The following KIAA1328 variants were observed in gnomAD, a reference collection of about 807,000 sequenced individuals.
KIAA1328 encodes KIAA1328.
In KIAA1328, 52 loss-of-function variants were observed where a neutral mutation model predicts 68.1. The ratio of observed to expected loss-of-function variants is 0.76; its 90% CI spans 0.61 to 0.96. The LOEUF is 0.96. Ranked by LOEUF, KIAA1328 falls within the 40% of genes least tolerant of loss-of-function variation. The pLI, the probability that KIAA1328 is intolerant of heterozygous loss-of-function variation, is 0.00. For synonymous variants in KIAA1328, 232 were observed against 239.4 expected, an observed-to-expected ratio of 0.97 and a Z score of 0.28; for missense variants, 641 against 677.6, an observed-to-expected ratio of 0.95 and a Z score of 0.60.
At chr18:37,102,917 G>T (rs1006115769) in intron 7 of KIAA1328, among the ~76,000 whole-genome samples, 4 of 152,004 alleles carry the variant, frequency 2.6e-5, no homozygotes, top group African/African-American at 9.7e-5. Context: ...AAGAAATCAA[G>T]AAAGTGATCC....
chr18:36,838,955 G>A lies in KIAA1328; in HGVS notation c.237+3579G>A, dbSNP rs143148299. On this transcript the variant is annotated intron_variant, in intron 3 of 9. Coordinates refer to ENST00000280020, the MANE Select transcript of KIAA1328 (RefSeq NM_020776.3). ...TCACCATGTTGGTCAGGCTGGTCTC[G>A]AACTCCTGACCTCATTATCTGCCCG... 7.9e-5 allele frequency among the ~76,000 whole-genome samples: 12 copies of A among 152,202 alleles called. No individual in the cohort carries two copies. The East Asian group carries it at 1.5e-3, about 20-fold the overall frequency.
intron 7 of KIAA1328, among the ~76,000 whole-genome samples, chr18:37,096,675 T>C (rs1185829863): frequency 6.6e-6 from 1 of 152,238 alleles, no homozygotes; most frequent in Non-Finnish European, 1.5e-5. Context: ...GCTGAACTAG[T>C]TTACAGTCCC....
At chr18:36,846,242 T>C (rs562184432) in intron 4 of KIAA1328, among the ~76,000 whole-genome samples, 21 of 151,754 alleles carry the variant, frequency 1.4e-4, no homozygotes, top group African/African-American at 5.1e-4. Flanking sequence ...TTCTTTTCCC[T>C]CTGAATTTTC....
chr18:36,953,016 T>G (rs1568207470), intron 5 of KIAA1328, among the ~76,000 whole-genome samples: 1 of 150,500 alleles, frequency 6.6e-6, no homozygotes, highest in Admixed American at 6.6e-5. Flanking sequence ...AAAAAAAAAG[T>G]TTTCCTGCAA....
chr18:37,119,790 T>C (rs73419088), intron 7 of KIAA1328, among the ~76,000 whole-genome samples: 1 of 152,110 alleles, frequency 6.6e-6, no homozygotes, highest in African/African-American at 2.4e-5. Context: ...TGTGTTAATA[T>C]ACATGGTATG....
chr18:37,216,838 G>C (rs1450257190), intron 9 of KIAA1328, among the ~76,000 whole-genome samples: 1 of 150,156 alleles, frequency 6.7e-6, no homozygotes, highest in African/African-American at 2.4e-5. Context: ...ATATATTTAG[G>C]ATAGTTAGCT....
intron 9 of KIAA1328, among the ~76,000 whole-genome samples, chr18:37,217,640 T>C (rs913610335): frequency 1.3e-5 from 2 of 152,204 alleles, no homozygotes; most frequent in Non-Finnish European, 2.9e-5. Flanking sequence ...CTGACAATTA[T>C]GTGTCTTGGG....
At chr18:36,948,775 C>T (rs2051017215) in intron 5 of KIAA1328, among the ~76,000 whole-genome samples, 1 of 151,730 alleles carries the variant, frequency 6.6e-6, no homozygotes, top group South Asian at 2.1e-4. Context: ...TCTTGAACTT[C>T]CAACCTCTGG....
intron 5 of KIAA1328, among the ~76,000 whole-genome samples, chr18:36,910,747 A>G (rs1178298204): frequency 6.6e-6 from 1 of 152,236 alleles, no homozygotes; most frequent in Admixed American, 6.5e-5. Context: ...GATTCTTCCT[A>G]TCCATGAGCA....
chr18:36,884,641 A>G (rs1360603478), intron 4 of KIAA1328, among the ~76,000 whole-genome samples: 1 of 152,196 alleles, frequency 6.6e-6, no homozygotes. Context: ...GCTCAAAGAA[A>G]AGGTTTAGAT....
chr18:36,977,206 TC>T (rs2151351802), intron 6 of KIAA1328, among the ~76,000 whole-genome samples: 1 of 152,332 alleles, frequency 6.6e-6, no homozygotes, highest in African/African-American at 2.4e-5. Context: ...AATCCACTGT[TC>T]TTCATTCTTT....
intron 9 of KIAA1328, among the ~76,000 whole-genome samples, chr18:37,215,357 GAA>G (rs2060407724): frequency 1.5e-4 from 1 of 6,758 alleles, no homozygotes; most frequent in African/African-American, 2.1e-3. Flanking sequence ...TTTTTAGTAT[GAA>G]GGCTGTTGAA....
At chr18:37,211,855 T>A (rs191347268) in intron 9 of KIAA1328, among the ~76,000 whole-genome samples, 18 of 152,338 alleles carry the variant, frequency 1.2e-4, no homozygotes, top group Non-Finnish European at 2.1e-4. Context: ...AAATTCTTAT[T>A]GTTGCTCTGG....
At chr18:36,939,587 T>C (rs28689067) in intron 5 of KIAA1328, among the ~76,000 whole-genome samples, 17,599 of 152,194 alleles carry the variant, frequency 0.12, 1,332 homozygotes, top group Non-Finnish European at 0.17. Context: ...TTTACTTTTT[T>C]TTCTTGTCTA....
At chr18:36,833,604 G>A (rs1200138683) in intron 1 of KIAA1328, among the ~76,000 whole-genome samples, 1 of 152,154 alleles carries the variant, frequency 6.6e-6, no homozygotes, top group Non-Finnish European at 1.5e-5. Flanking sequence ...GCTGTTAAGG[G>A]AACATGCACA....
At chr18:36,927,773 AAAAG>A (rs1037563616) in intron 5 of KIAA1328, among the ~76,000 whole-genome samples, 1 of 151,938 alleles carries the variant, frequency 6.6e-6, no homozygotes, top group Non-Finnish European at 1.5e-5. Flanking sequence ...AAGAAAGAAA[AAAAG>A]AAAGAAATGA....
intron 5 of KIAA1328, among the ~76,000 whole-genome samples, chr18:36,949,133 T>C (rs1598794475): frequency 1.3e-5 from 2 of 152,176 alleles, no homozygotes; most frequent in East Asian, 3.9e-4. Flanking sequence ...CTTCTACAGT[T>C]CTAAGGTAGT....
intron 5 of KIAA1328, among the ~76,000 whole-genome samples, chr18:36,897,441 C>A (rs2048900547): frequency 6.6e-6 from 1 of 151,830 alleles, no homozygotes; most frequent in Non-Finnish European, 1.5e-5. Context: ...GACTTTGTTT[C>A]ACACAAAAAC....
intron 7 of KIAA1328, among the ~76,000 whole-genome samples, chr18:37,096,586 T>C (rs1052696083): frequency 2.0e-5 from 3 of 152,244 alleles, no homozygotes; most frequent in African/African-American, 7.2e-5. Context: ...CCTTTGGGTA[T>C]ATACCCAGTA....
Sources: gnomAD v4.1 joint callset for allele counts (sites outside exome capture counted in the v4.1 genomes callset) on GRCh38, gnomAD v4.1.1 for gene constraint, MANE v1.5 for transcripts, NCBI Gene and HGNC (gene_info 2026-07-23, HGNC 2026-07-21) for gene names.